The following LEF1 variants were observed in gnomAD, a reference collection of about 807,000 sequenced individuals.
The protein encoded by LEF1 is lymphoid enhancer binding factor 1, also known as lymphoid enhancer-binding factor 1.
Under a neutral mutation model 51.2 loss-of-function variants are expected in LEF1, and 14 were observed. The observed-to-expected ratio is 0.27, with a 90% confidence interval of 0.18 to 0.43. The LOEUF (loss-of-function observed/expected upper bound fraction) is 0.43, where lower values mean the gene tolerates loss of function less well. Among genes scored for constraint, LEF1 ranks in the 20% least tolerant of loss-of-function variants. The pLI is 1.00. For synonymous variants in LEF1, 185 were observed against 183.2 expected (o/e 1.01, Z -0.08); for missense variants, 386 against 512.0 (o/e 0.75, Z 2.37).
chr4:108,081,590 A>G lies in LEF1; in HGVS notation c.718T>C (p.Ser240Pro), dbSNP rs1277064288. ...PSSLSVDTSMSRFSHHMIPGP... is the reference protein window; with the variant it reads ...PSSLSVDTSMPRFSHHMIPGP... ...CCAGTTTCCACCTCCACCTACCTGGACATGGAAGTGTCGACTGACAGTGAG... is the reference window on the plus strand; with the variant it reads ...CCAGTTTCCACCTCCACCTACCTGGGCATGGAAGTGTCGACTGACAGTGAG... The change falls in exon 6 of 12, where the codon TCC (serine) becomes CCC (proline). Residue 240 changes from serine to proline, a missense_variant. This residue lies in a region of LEF1 where 335 missense variants were observed against 390.7 expected (regional missense o/e 0.86). Coordinates refer to ENST00000265165, the MANE Select transcript of LEF1 (RefSeq NM_016269.5). 1 of 1,613,658 alleles carries G rather than the reference A, an allele frequency of 6.2e-7. No individual in the cohort carries two copies. Among genetic ancestry groups the G allele is most frequent in the Non-Finnish European group, 8.5e-7 (1 of 1,179,764 alleles).
chr4:108,140,381 C>T (rs1743565053), intron 3 of LEF1, among the ~76,000 whole-genome samples: 1 of 152,208 alleles, frequency 6.6e-6, no homozygotes, highest in African/African-American at 2.4e-5. Context: ...GTTTCCTTGG[C>T]ATATCTGCTC....
intron 3 of LEF1, among the ~76,000 whole-genome samples, chr4:108,110,184 A>G (rs575680541): frequency 2.0e-5 from 3 of 152,346 alleles, no homozygotes; most frequent in Non-Finnish European, 4.4e-5. Context: ...TCCAAACAAT[A>G]CTTAACTGTT....
chr4:108,069,118 T>C (rs941532273), intron 9 of LEF1, among the ~76,000 whole-genome samples: 1 of 152,136 alleles, frequency 6.6e-6, no homozygotes, highest in African/African-American at 2.4e-5. Flanking sequence ...CAGAGCACTC[T>C]CTTCCCCCTT....
At position 108,167,826 on chromosome 4, in the gene LEF1, A is replaced by G. The variant is rs534459342; in HGVS notation, c.-59T>C. 288 of 1,460,502 alleles carry G rather than the reference A, an allele frequency of 2.0e-4. No homozygotes were observed. The African/African-American group carries it at 3.5e-3, about 18-fold the overall frequency. 90.5% of individuals were successfully genotyped at this position (1,460,502 alleles called of 1,614,324 possible). A position where few individuals can be genotyped will look rare whatever the true frequency, so the allele number is the denominator to read the frequency against. On this transcript the variant is annotated 5_prime_UTR_variant, in exon 1 of 12. Coordinates refer to ENST00000265165, the MANE Select transcript of LEF1 (RefSeq NM_016269.5). The surrounding 1 kb of genome is among the most constrained non-coding windows in gnomAD (Gnocchi z 5.7). ...GAGCACCCGCGCAACAGCAGGAAAGACAGAGGGGTAACTCAAGGGTGGGGG... is the reference window on the plus strand; with the variant it reads ...GAGCACCCGCGCAACAGCAGGAAAGGCAGAGGGGTAACTCAAGGGTGGGGG...
chr4:108,158,752 T>A (rs1247145332), intron 3 of LEF1, among the ~76,000 whole-genome samples: 1 of 151,798 alleles, frequency 6.6e-6, no homozygotes, highest in East Asian at 1.9e-4. Flanking sequence ...GCTACAAAAT[T>A]GATATTATAG....
chr4:108,118,796 G>A (rs1741990941), intron 3 of LEF1, among the ~76,000 whole-genome samples: 2 of 152,074 alleles, frequency 1.3e-5, no homozygotes, highest in Non-Finnish European at 2.9e-5. Context: ...GATCAATCTT[G>A]ACTCATTTTC....
intron 3 of LEF1, among the ~76,000 whole-genome samples, chr4:108,113,740 G>A (rs1741667597): frequency 1.3e-5 from 2 of 152,186 alleles, no homozygotes; most frequent in Admixed American, 6.5e-5. Flanking sequence ...TAAATTGCAG[G>A]TATGCATGTC....
chr4:108,099,701 C>T (rs1462014932), intron 3 of LEF1, among the ~76,000 whole-genome samples: 1 of 149,032 alleles, frequency 6.7e-6, no homozygotes, highest in African/African-American at 2.5e-5. Context: ...TGGTTTGCCG[C>T]ACCCATCAAC....
At chr4:108,156,004 C>T (rs1179534943) in intron 3 of LEF1, among the ~76,000 whole-genome samples, 1 of 152,100 alleles carries the variant, frequency 6.6e-6, no homozygotes, top group Non-Finnish European at 1.5e-5. Context: ...CTGAAAATAC[C>T]TCGTGATACT....
At chr4:108,062,684 G>A (rs1259836832) in intron 11 of LEF1, among the ~76,000 whole-genome samples, 1 of 152,192 alleles carries the variant, frequency 6.6e-6, no homozygotes, top group Non-Finnish European at 1.5e-5. Flanking sequence ...AGAAAGCCTG[G>A]AGGCAGAAAA....
At chr4:108,070,437 C>T (rs1738392573) in intron 9 of LEF1, 3 of 339,426 alleles carry the variant, frequency 8.8e-6, no homozygotes, top group African/African-American at 2.2e-5. Flanking sequence ...TAGTTTATTT[C>T]AAAAATTTTA....
At chr4:108,119,991 ATATG>A (rs1323980361) in intron 3 of LEF1, among the ~76,000 whole-genome samples, 2 of 29,386 alleles carry the variant, frequency 6.8e-5, no homozygotes, top group African/African-American at 2.1e-4. Flanking sequence ...TATATTTTAT[ATATG>A]TGTGTGTGTG....
chr4:108,051,968 A>C lies in LEF1; in HGVS notation c.*7-3217T>G, dbSNP rs542016265. ...AGGAGTGAAGAAAGGGAAAGGGGGAAACTCCTTCTCTCTAAGCCCAAATAA... is the reference window on the plus strand; with the variant it reads ...AGGAGTGAAGAAAGGGAAAGGGGGACACTCCTTCTCTCTAAGCCCAAATAA... On this transcript the variant is annotated intron_variant, in intron 11 of 11. Coordinates refer to ENST00000265165, the MANE Select transcript of LEF1 (RefSeq NM_016269.5). Among the ~76,000 whole-genome samples, 17 of 152,332 alleles carry C rather than the reference A, an allele frequency of 1.1e-4. No homozygotes were observed. In the South Asian group the frequency reaches 2.9e-3, roughly 26 times the overall value.
rs1305711412 is a variant in LEF1 at position 108,099,598 on chromosome 4, A to G, written c.415-10341T>C. ...TATATATATATATATATATATATAT[A>G]TATATATATATATATATATAAATAA... On this transcript the variant is annotated intron_variant, in intron 3 of 11. Coordinates refer to ENST00000265165, the MANE Select transcript of LEF1 (RefSeq NM_016269.5). Among the ~76,000 whole-genome samples, 326 of 130,254 alleles carry G rather than the reference A, an allele frequency of 2.5e-3. 12 individuals are homozygous for G. Among genetic ancestry groups the G allele is most frequent in the African/African-American group, 6.1e-3 (219 of 35,948 alleles). The allele number at this position is 130,254 out of a possible 152,430, so 85.5% of individuals were successfully genotyped here. A position where few individuals can be genotyped will look rare whatever the true frequency, so the allele number is the denominator to read the frequency against.
rs186964305 is a variant in LEF1 at position 108,127,665 on chromosome 4, A to G, written c.414+35903T>C. On this transcript the variant is annotated intron_variant, in intron 3 of 11. Coordinates refer to ENST00000265165, the MANE Select transcript of LEF1 (RefSeq NM_016269.5). ...CAGAGTATCTAGCCATTTCTCACTT[A>G]TTTAAGCGGAAAATAAATTATCGTG... 1.9e-3 allele frequency among the ~76,000 whole-genome samples: 292 copies of G among 152,316 alleles called. 2 individuals carry two copies. Among genetic ancestry groups the G allele is most frequent in the African/African-American group, 6.6e-3 (274 of 41,560 alleles).
chr4:108,093,696 T>C (rs1180552070), intron 3 of LEF1, among the ~76,000 whole-genome samples: 1 of 152,016 alleles, frequency 6.6e-6, no homozygotes, highest in African/African-American at 2.4e-5. Flanking sequence ...GCACATTCTT[T>C]AATCTCAGGC....
At chr4:108,133,483 C>G (rs17038627) in intron 3 of LEF1, among the ~76,000 whole-genome samples, 11,810 of 152,182 alleles carry the variant, frequency 0.078, 508 homozygotes, top group African/African-American at 0.13. Flanking sequence ...TGGGCCAGGG[C>G]TGTAAGCTCA....
Position 108,102,227 on chromosome 4 carries a change from G to T in LEF1, c.415-12970C>A, listed in dbSNP as rs537418790. On this transcript the variant is annotated intron_variant, in intron 3 of 11. Coordinates refer to ENST00000265165, the MANE Select transcript of LEF1 (RefSeq NM_016269.5). The stretch of plus-strand genomic sequence containing the variant: ...TGGTAATTTGAAGAACATCAATAAA[G>T]CTTACAGAACAGATTTAAGACACAG... Among the ~76,000 whole-genome samples, 20 of 152,242 alleles carry T rather than the reference G, an allele frequency of 1.3e-4. No homozygotes were observed. In the South Asian group the frequency reaches 4.1e-3, roughly 32 times the overall value.
At chr4:108,107,065 C>T (rs141798987) in intron 3 of LEF1, among the ~76,000 whole-genome samples, 1 of 152,166 alleles carries the variant, frequency 6.6e-6, no homozygotes, top group African/African-American at 2.4e-5. Context: ...ATCTCACATG[C>T]CTCTTAAGAT....
Sources: gnomAD v4.1 joint callset for allele counts (sites outside exome capture counted in the v4.1 genomes callset) on GRCh38, gnomAD v4.1.1 for gene constraint, gnomAD v4.1.1 regional missense constraint, Gnocchi (gnomAD v3.1) non-coding constraint, MANE v1.5 for transcripts, NCBI Gene and HGNC (gene_info 2026-07-23, HGNC 2026-07-21) for gene names.